TBX18: variants seen among roughly 807,000 people sequenced by gnomAD.
TBX18 encodes T-box transcription factor 18, also known as T-box transcription factor TBX18.
In TBX18, 21 loss-of-function variants were observed where a neutral mutation model predicts 55.0. The ratio of observed to expected loss-of-function variants is 0.38; its 90% CI spans 0.27 to 0.55. The LOEUF is 0.55. Among genes scored for constraint, TBX18 ranks in the 20% least tolerant of loss-of-function variants. The pLI is 0.73. For missense variants in TBX18, 840 were observed against 799.6 expected, an observed-to-expected ratio of 1.05 and a Z score of -0.61; for synonymous variants, 342 against 326.1, an observed-to-expected ratio of 1.05 and a Z score of -0.53.
intron 4 of TBX18, among the ~76,000 whole-genome samples, chr6:84,750,299 A>AG (rs1390052387): frequency 6.6e-6 from 1 of 152,028 alleles, no homozygotes; most frequent in East Asian, 1.9e-4. Context: ...AAAAAAAAAA[A>AG]AAGGCATAAT....
chr6:84,754,605 T>C (rs1035612070), intron 4 of TBX18, among the ~76,000 whole-genome samples: 1 of 152,228 alleles, frequency 6.6e-6, no homozygotes, highest in Admixed American at 6.5e-5. Flanking sequence ...CTGAATTTCA[T>C]TTGTAATCTA....
chr6:84,748,110 G>A, intron 4 of TBX18, 23 bp from the exon 5 acceptor site: 1 of 1,573,830 alleles, frequency 6.4e-7, no homozygotes, highest in Non-Finnish European at 8.7e-7. Context: ...AGGAAAAGCT[G>A]AATTTATCAG....
rs1221186729 is a variant in TBX18 at position 84,764,075 on chromosome 6, T to C, written c.107A>G (p.Lys36Arg). 1.9e-6 allele frequency: 3 copies of C among 1,581,228 alleles called. No individual in the cohort carries two copies. Among genetic ancestry groups the C allele is most frequent in the Non-Finnish European group, 2.6e-6 (3 of 1,167,860 alleles). The change falls in exon 1 of 8, where the codon AAG (lysine) becomes AGG (arginine). Residue 36 changes from lysine (K) to arginine (R), a missense_variant. By Grantham distance (26) the Lys-to-Arg change is conservative (BLOSUM62 2). Coordinates refer to ENST00000369663, the MANE Select transcript of TBX18 (RefSeq NM_001080508.3). Reference protein sequence around the residue: ...IGAEKQQQLQKKRRKLGAEEA... With the variant: ...IGAEKQQQLQRKRRKLGAEEA... ...TTCGGCGCCCAGTTTTCGCCGCTTC[T>C]TCTGAAGCTGTTGCTGCTTCTCGGC...
At chr6:84,746,309 T>C (rs984628950) in intron 5 of TBX18, among the ~76,000 whole-genome samples, 1 of 151,130 alleles carries the variant, frequency 6.6e-6, no homozygotes, top group African/African-American at 2.4e-5. Flanking sequence ...GCCTCTGCTA[T>C]TTTCTCATGT....
chr6:84,760,193 G>T, intron 3 of TBX18, 62 bp downstream of exon 3: 2 of 1,011,940 alleles, frequency 2.0e-6, no homozygotes, highest in South Asian at 2.4e-5. Flanking sequence ...AGATCAAACA[G>T]GCACTAGCCT....
At position 84,738,520 on chromosome 6, in the gene TBX18, T is replaced by A. The variant is rs1766946748; in HGVS notation, c.1076A>T (p.Asp359Val). 1 of 1,614,076 alleles carries A rather than the reference T, an allele frequency of 6.2e-7. No individual in the cohort carries two copies. The highest frequency in any genetic ancestry group is 8.5e-7 in the Non-Finnish European group (1 of 1,180,008). ...RPSLRTLTFE[D>V]IPGIPKQGNA... Reference sequence around the variant, plus strand: ...ACCTTGCTTGGGAATTCCAGGGATATCTTCAAAGGTCAGAGTCCGTAGTGA... The same window carrying A: ...ACCTTGCTTGGGAATTCCAGGGATAACTTCAAAGGTCAGAGTCCGTAGTGA... The change falls in exon 7 of 8, where the codon GAT (aspartate) becomes GTT (valine). Residue 359 changes from aspartate (D) to valine (V), a missense_variant. Physicochemically the swap from Asp to Val is radical, Grantham distance 152. Transcript: ENST00000369663.
intron 4 of TBX18, among the ~76,000 whole-genome samples, chr6:84,748,813 T>C (rs1460336572): frequency 6.6e-6 from 1 of 152,154 alleles, no homozygotes; most frequent in Non-Finnish European, 1.5e-5. Flanking sequence ...GAAAAGCTTT[T>C]CATGTACAAA....
intron 5 of TBX18, among the ~76,000 whole-genome samples, chr6:84,746,130 G>A (rs78209190): frequency 0.05 from 7,673 of 152,028 alleles, 235 homozygotes; most frequent in African/African-American, 0.079. Context: ...ACTAATTTGT[G>A]TTAGTCACAA....
At chr6:84,750,525 T>C (rs1431485163) in intron 4 of TBX18, among the ~76,000 whole-genome samples, 1 of 152,142 alleles carries the variant, frequency 6.6e-6, no homozygotes, top group Non-Finnish European at 1.5e-5. Context: ...ACATTACATA[T>C]ATTTAAGTCT....
In TBX18 at chr6:84,733,339, A is replaced by C. The variant is rs1773853391; in HGVS notation, c.*3346T>G. The C allele has an allele frequency of 6.6e-6, 1 of 152,310 alleles. No homozygotes were observed. The highest frequency in any genetic ancestry group is 2.4e-5 in the African/African-American group (1 of 41,570). 9.4% of individuals were successfully genotyped at this position (152,310 alleles called of 1,614,324 possible). ...CATTTCTTTTTAGAAAGGATGAACA[A>C]TGAGATTAAAACACAACATGGTAAT... On this transcript the variant is annotated 3_prime_UTR_variant, in exon 8 of 8. Coordinates refer to ENST00000369663, the MANE Select transcript of TBX18 (RefSeq NM_001080508.3).
Position 84,764,306 on chromosome 6 carries a change from C to T in TBX18, c.-125G>A, listed in dbSNP as rs1485378125. 1.6e-6 allele frequency: 2 copies of T among 1,258,706 alleles called. No homozygotes were observed. The allele number at this position is 1,258,706 out of a possible 1,614,324, so 78.0% of individuals were successfully genotyped here. ...GGCCTCCCGAGATCTGCCCCCTTCC[C>T]CACCGCGGGCAAAAAACAGATTTGG... On this transcript the variant is annotated 5_prime_UTR_variant, in exon 1 of 8. Transcript: ENST00000369663.
At position 84,762,420 on chromosome 6, in the gene TBX18, G is replaced by A. The variant is rs1469871566; in HGVS notation, c.497+124C>T. 5 of 1,198,400 alleles carry A rather than the reference G, an allele frequency of 4.2e-6. No individual in the cohort carries two copies. In the Admixed American group the frequency reaches 5.1e-5, roughly 12 times the overall value. The allele number at this position is 1,198,400 out of a possible 1,614,324, so 74.2% of individuals were successfully genotyped here. A position where few individuals can be genotyped will look rare whatever the true frequency, so the allele number is the denominator to read the frequency against. ...GAACCACGGTCTGGGGCCTGGTCCCGTTTGACCGAAAATGCTATCCAGAAC... is the reference window on the plus strand; with the variant it reads ...GAACCACGGTCTGGGGCCTGGTCCCATTTGACCGAAAATGCTATCCAGAAC... On this transcript the variant is annotated intron_variant, in intron 2 of 7. Coordinates refer to ENST00000369663, the MANE Select transcript of TBX18 (RefSeq NM_001080508.3).
At chr6:84,748,296 C>G (rs1458436437) in intron 4 of TBX18, among the ~76,000 whole-genome samples, 4 of 152,130 alleles carry the variant, frequency 2.6e-5, no homozygotes, top group South Asian at 2.1e-4. Flanking sequence ...ATAAAAAGCA[C>G]TATTTTAGTG....
Position 84,764,193 on chromosome 6 carries a change from CG to C in TBX18, c.-13del. 2.1e-6 allele frequency: 3 copies of C among 1,434,314 alleles called. No individual in the cohort carries two copies. Among genetic ancestry groups the C allele is most frequent in the Non-Finnish European group, 2.7e-6 (3 of 1,101,372 alleles). The allele number at this position is 1,434,314 out of a possible 1,614,324, so 88.8% of individuals were successfully genotyped here. On this transcript the variant is annotated 5_prime_UTR_variant, in exon 1 of 8. Transcript: ENST00000369663. ...CGCTTCTCGGCCATCCCCCCCGCCC[CG>C]CGCCCGCCCGCCCCTCTCTCATATA...
rs1458926538 is a variant in TBX18 at position 84,764,441 on chromosome 6, C to T, written c.-260G>A. On this transcript the variant is annotated 5_prime_UTR_variant, in exon 1 of 8. Transcript: ENST00000369663. ...TCTCTCACTGATGCACTCCTTTGCTCCCACCCCTTCCACCTCCTCCTGCTG... is the reference window on the plus strand; with the variant it reads ...TCTCTCACTGATGCACTCCTTTGCTTCCACCCCTTCCACCTCCTCCTGCTG... The T allele has an allele frequency of 6.6e-6, 3 of 452,410 alleles. No homozygotes were observed. The highest frequency in any genetic ancestry group is 7.4e-5 in the East Asian group (2 of 26,918). 28.0% of individuals were successfully genotyped at this position (452,410 alleles called of 1,614,324 possible).
Position 84,735,986 on chromosome 6 carries a change from A to G in TBX18, c.*699T>C, listed in dbSNP as rs909685044. On this transcript the variant is annotated 3_prime_UTR_variant, in exon 8 of 8. Coordinates refer to ENST00000369663, the MANE Select transcript of TBX18 (RefSeq NM_001080508.3). ...CTGGAAATTTGTTCTCTACAGATGA[A>G]TAAGAACCTCTTATGTGCCCAATGG... 2.6e-5 allele frequency: 4 copies of G among 152,188 alleles called. No individual in the cohort carries two copies. Among genetic ancestry groups the G allele is most frequent in the Non-Finnish European group, 5.9e-5 (4 of 68,026 alleles). 9.4% of individuals were successfully genotyped at this position (152,188 alleles called of 1,614,324 possible).
Position 84,733,598 on chromosome 6 carries a change from G to A in TBX18, c.*3087C>T, listed in dbSNP as rs1773860537. 1 of 152,142 alleles carries A rather than the reference G, an allele frequency of 6.6e-6. No homozygotes were observed. The highest frequency in any genetic ancestry group is 1.5e-5 in the Non-Finnish European group (1 of 68,032). 9.4% of individuals were successfully genotyped at this position (152,142 alleles called of 1,614,324 possible). A position where few individuals can be genotyped will look rare whatever the true frequency, so the allele number is the denominator to read the frequency against. ...AATGCTCTGCACCAGGACTTCATGG[G>A]ACACTGCAGAGTTTAGTTAGGGATC... On this transcript the variant is annotated 3_prime_UTR_variant, in exon 8 of 8. Transcript: ENST00000369663.
At chr6:84,753,439 G>GAA (rs56006646) in intron 4 of TBX18, among the ~76,000 whole-genome samples, 53,649 of 148,572 alleles carry the variant, frequency 0.36, 10,415 homozygotes, top group Middle Eastern at 0.48. Flanking sequence ...ACTGAGAAGA[G>GAA]AAAAAAAAAA....
chr6:84,741,347 G>C (rs1272976822), intron 6 of TBX18: 1 of 152,082 alleles, frequency 6.6e-6, no homozygotes, highest in African/African-American at 2.4e-5. Context: ...TTAGTAAAAT[G>C]GTTATGTTTT....
Sources: allele counts gnomAD v4.1 joint callset (sites outside exome capture counted in the v4.1 genomes callset), GRCh38; gene constraint gnomAD v4.1.1; transcripts MANE v1.5; gene names NCBI Gene and HGNC (gene_info 2026-07-23, HGNC 2026-07-21).